The following GLIS3 variants were observed in gnomAD, a reference collection of about 807,000 sequenced individuals.
The protein encoded by GLIS3 is GLIS family zinc finger 3.
In GLIS3, 53 loss-of-function variants were observed where a neutral mutation model predicts 78.6. The ratio of observed to expected loss-of-function variants is 0.67; its 90% CI spans 0.54 to 0.85. GLIS3 has a LOEUF of 0.85. Among genes scored for constraint, GLIS3 ranks in the 40% least tolerant of loss-of-function variants. The probability of loss-of-function intolerance (pLI) is 0.00; values close to 1 mark genes in which losing one functional copy is unlikely to be tolerated. For synonymous variants in GLIS3, 684 were observed against 509.9 expected (o/e 1.34, Z -4.60); for missense variants, 1,703 against 1,231.1 (o/e 1.38, Z -5.74).
chr9:4,366,351 A>G, the GLIS3 span, among the ~76,000 whole-genome samples: 2 of 152,170 alleles, frequency 1.3e-5, no homozygotes, highest in African/African-American at 4.8e-5. Flanking sequence ...AGTACTTTCA[A>G]GCGAATCCAA....
rs942467208 is a variant in GLIS3 at position 3,879,429 on chromosome 9, C to G, written c.2295G>C (p.Glu765Asp). The change falls in exon 8 of 11, where the codon GAG becomes GAC. Residue 765 changes from glutamate to aspartate, a missense_variant and splice_region_variant. Coordinates refer to ENST00000381971, the MANE Select transcript of GLIS3 (RefSeq NM_001042413.2). Reference protein sequence around the residue: ...PPLTAVDAGAERFAPSAPSPH... With the variant: ...PPLTAVDAGADRFAPSAPSPH... ...GAGAGAGAGACAGATGGCCTTACCT[C>G]TCAGCTCCTGCGTCCACAGCTGTGA... 2 of 1,614,056 alleles carry G rather than the reference C, an allele frequency of 1.2e-6. No homozygotes were observed. Among genetic ancestry groups the G allele is most frequent in the East Asian group, 4.5e-5 (2 of 44,882 alleles).
chr9:4,095,792 A>C (rs1005962216), intron 4 of GLIS3, among the ~76,000 whole-genome samples: 2 of 152,236 alleles, frequency 1.3e-5, no homozygotes, highest in African/African-American at 4.8e-5. Flanking sequence ...ATTGTCTGCC[A>C]TTGTAGTTCT....
intron 2 of GLIS3, among the ~76,000 whole-genome samples, chr9:4,220,841 C>G (rs879933725): frequency 6.6e-6 from 1 of 151,916 alleles, no homozygotes; most frequent in African/African-American, 2.4e-5. Flanking sequence ...TCAAATTAAC[C>G]AGGCATGGAG....
At chr9:4,294,754 TAC>T (rs1280685493) in intron 1 of GLIS3, among the ~76,000 whole-genome samples, 1 of 152,240 alleles carries the variant, frequency 6.6e-6, no homozygotes, top group Non-Finnish European at 1.5e-5. Context: ...CCCTTACATG[TAC>T]ACAGATTGTT....
intron 4 of GLIS3, among the ~76,000 whole-genome samples, chr9:4,014,295 T>C (rs1465093949): frequency 6.6e-6 from 1 of 152,134 alleles, no homozygotes; most frequent in African/African-American, 2.4e-5. Context: ...TTAGAAATTG[T>C]ACTGGGCTAA....
chr9:4,352,241 C>T (rs1364649514), upstream of GLIS3, among the ~76,000 whole-genome samples: 1 of 152,214 alleles, frequency 6.6e-6, no homozygotes, highest in African/African-American at 2.4e-5. Context: ...GTTGTGTTCT[C>T]TTTGGGGAGG....
At chr9:4,300,582 G>A (rs1024877632), upstream of GLIS3, among the ~76,000 whole-genome samples, 7 of 152,118 alleles carry the variant, frequency 4.6e-5, no homozygotes, top group African/African-American at 1.4e-4. Flanking sequence ...GGAAGGTGAT[G>A]GAAGTGTTAG....
At chr9:4,059,104 C>A (rs532506010) in intron 4 of GLIS3, among the ~76,000 whole-genome samples, 4 of 152,238 alleles carry the variant, frequency 2.6e-5, no homozygotes, top group African/African-American at 9.6e-5. Context: ...AGTGTTACTG[C>A]AGCTTTAATC....
chr9:4,353,779 A>G, the GLIS3 span, among the ~76,000 whole-genome samples: 1 of 152,118 alleles, frequency 6.6e-6, no homozygotes, highest in Non-Finnish European at 1.5e-5. Flanking sequence ...GTTCTGAATT[A>G]TATGTGTTGA....
chr9:4,025,332 A>G (rs1196144746), intron 4 of GLIS3, among the ~76,000 whole-genome samples: 6 of 152,138 alleles, frequency 3.9e-5, no homozygotes, highest in Non-Finnish European at 7.3e-5. Flanking sequence ...CGGAAAAATA[A>G]AGCCTCTAGA....
chr9:4,019,395 C>G (rs571539167), intron 4 of GLIS3, among the ~76,000 whole-genome samples: 2 of 151,972 alleles, frequency 1.3e-5, no homozygotes, highest in Non-Finnish European at 2.9e-5. Flanking sequence ...ATCACACAGC[C>G]TCACTGTTTG....
chr9:4,035,043 C>T (rs897692438), intron 4 of GLIS3: 1 of 152,286 alleles, frequency 6.6e-6, no homozygotes, highest in African/African-American at 2.4e-5. Context: ...GATAGAAGAA[C>T]TGCAGATGAG....
chr9:4,343,490 T>A (rs1394383470), intron 2 of GLIS3, among the ~76,000 whole-genome samples: 1 of 152,202 alleles, frequency 6.6e-6, no homozygotes, highest in Non-Finnish European at 1.5e-5. Flanking sequence ...TCAGCTACAG[T>A]GGAAAGCAGT....
chr9:4,058,428 A>C (rs1826326298), intron 4 of GLIS3, among the ~76,000 whole-genome samples: 1 of 150,224 alleles, frequency 6.7e-6, no homozygotes, highest in Non-Finnish European at 1.5e-5. Context: ...GACTCCCGAG[A>C]CATATTTCCT....
At chr9:3,935,779 T>C (rs1324789304) in intron 5 of GLIS3, among the ~76,000 whole-genome samples, 1 of 152,174 alleles carries the variant, frequency 6.6e-6, no homozygotes, top group African/African-American at 2.4e-5. Context: ...TGTATTCATT[T>C]AGTGTTCCAT....
In GLIS3 at chr9:4,092,497, C is replaced by G. The variant is rs1010927957; in HGVS notation, c.1710+25271G>C. ...ACTGTACAGCTGCACCACAATATTTCCTTTCTTTATTTCCTTATTGCATAA... is the reference window on the plus strand; with the variant it reads ...ACTGTACAGCTGCACCACAATATTTGCTTTCTTTATTTCCTTATTGCATAA... On this transcript the variant is annotated intron_variant, in intron 4 of 10. Coordinates refer to ENST00000381971, the MANE Select transcript of GLIS3 (RefSeq NM_001042413.2). Among the ~76,000 whole-genome samples, 5 of 152,148 alleles carry G rather than the reference C, an allele frequency of 3.3e-5. No homozygotes were observed. The East Asian group carries it at 7.7e-4, about 23-fold the overall frequency.
chr9:4,403,924 G>T, the GLIS3 span, among the ~76,000 whole-genome samples: 2 of 152,052 alleles, frequency 1.3e-5, no homozygotes, highest in Admixed American at 1.3e-4. Context: ...TCAAAAGACA[G>T]AGAGTGACTG....
At chr9:4,174,527 A>T (rs906218884) in intron 2 of GLIS3, among the ~76,000 whole-genome samples, 2 of 152,194 alleles carry the variant, frequency 1.3e-5, no homozygotes, top group Non-Finnish European at 2.9e-5. Flanking sequence ...AAAGAAAAAG[A>T]GGATTTGGAT....
At chr9:4,249,077 T>C (rs1587140605) in intron 2 of GLIS3, among the ~76,000 whole-genome samples, 3 of 152,324 alleles carry the variant, frequency 2.0e-5, no homozygotes, top group South Asian at 2.1e-4. Context: ...TCTCCAGCTT[T>C]GTCCTTTTTG....
Sources: allele counts gnomAD v4.1 joint callset (sites outside exome capture counted in the v4.1 genomes callset), GRCh38; gene constraint gnomAD v4.1.1; transcripts MANE v1.5; gene names NCBI Gene and HGNC (gene_info 2026-07-23, HGNC 2026-07-21).